The following PARP15 variants were observed in gnomAD, a reference collection of about 807,000 sequenced individuals.
PARP15 encodes the protein poly(ADP-ribose) polymerase family member 15, also known as protein mono-ADP-ribosyltransferase PARP15.
In PARP15, 50 loss-of-function variants were observed where a neutral mutation model predicts 62.1. The ratio of observed to expected loss-of-function variants is 0.81; its 90% confidence interval spans 0.64 to 1.02. PARP15 has a LOEUF of 1.02. PARP15 is among the 50% of genes least tolerant of loss of function. The probability of loss-of-function intolerance (pLI) is 0.00; values close to 1 mark genes in which losing one functional copy is unlikely to be tolerated. For synonymous variants in PARP15, 309 were observed against 293.1 expected (o/e 1.05, Z -0.55); for missense variants, 820 against 826.5 (o/e 0.99, Z 0.10).
At chr3:122,584,169 A>G (rs945311415) in intron 1 of PARP15, among the ~76,000 whole-genome samples, 12 of 152,184 alleles carry the variant, frequency 7.9e-5, no homozygotes, top group Non-Finnish European at 1.5e-5. Context: ...CAAAATTTCT[A>G]ATTGTTTAAA....
At chr3:122,585,005 T>C (rs1195404396) in intron 1 of PARP15, among the ~76,000 whole-genome samples, 4 of 152,336 alleles carry the variant, frequency 2.6e-5, no homozygotes, top group South Asian at 2.1e-4. Flanking sequence ...ATCATAGTAA[T>C]AGATTTTCAA....
chr3:122,634,016 A>G (rs761399847), intron 10 of PARP15, among the ~76,000 whole-genome samples: 3 of 151,972 alleles, frequency 2.0e-5, no homozygotes, highest in Non-Finnish European at 4.4e-5. Context: ...CACATTCCCC[A>G]TTGCAAACCT....
chr3:122,634,281 T>C (rs1326519010), intron 10 of PARP15, among the ~76,000 whole-genome samples: 1 of 152,092 alleles, frequency 6.6e-6, no homozygotes, highest in Non-Finnish European at 1.5e-5. Context: ...CTCTGAGCAG[T>C]AGTGATTAGT....
intron 1 of PARP15, among the ~76,000 whole-genome samples, chr3:122,595,531 T>C (rs1934267948): frequency 6.6e-6 from 1 of 152,186 alleles, no homozygotes; most frequent in Non-Finnish European, 1.5e-5. Context: ...TTCGGTTTTG[T>C]CCTACCTCAG....
At chr3:122,577,966 C>G in intron 1 of PARP15, 113 bp downstream of exon 1, 2 of 1,171,498 alleles carry the variant, frequency 1.7e-6, no homozygotes, top group Non-Finnish European at 2.3e-6. Flanking sequence ...ACAACCCTCT[C>G]TTCTAGGGGG....
In PARP15 at chr3:122,591,756, C is replaced by CTTT. The variant is rs1933936983; in HGVS notation, c.186+13904_186+13905insTTT. Among the ~76,000 whole-genome samples the CTTT allele has an allele frequency of 3.7e-5, 3 of 80,712 alleles. No individual in the cohort carries two copies. The South Asian group carries it at 1.5e-3, about 40-fold the overall frequency. The allele number at this position is 80,712 out of a possible 152,430, so 53.0% of individuals were successfully genotyped here. On this transcript the variant is annotated intron_variant, in intron 1 of 11. Transcript: ENST00000464300. ...ACTCCAGCCTGGTGACAGAGCGAGACTCTGTCTCAAAAAAAAAAAAAAAAA... is the reference window on the plus strand; with the variant it reads ...ACTCCAGCCTGGTGACAGAGCGAGACTTTTCTGTCTCAAAAAAAAAAAAAAAAA...
chr3:122,620,296 T>C (rs1936256327), intron 7 of PARP15, among the ~76,000 whole-genome samples: 1 of 152,252 alleles, frequency 6.6e-6, no homozygotes, highest in South Asian at 2.1e-4. Flanking sequence ...AAACTTGTTC[T>C]ACTTCTTCCA....
At chr3:122,631,825 T>C (rs963436565) in intron 9 of PARP15, among the ~76,000 whole-genome samples, 1 of 152,258 alleles carries the variant, frequency 6.6e-6, no homozygotes, top group African/African-American at 2.4e-5. Context: ...AAAATTACAA[T>C]TTCAAGCTAC....
At chr3:122,616,135 CATATATAGT>C (rs532226405) in intron 5 of PARP15, among the ~76,000 whole-genome samples, 104 of 152,270 alleles carry the variant, frequency 6.8e-4, no homozygotes, top group African/African-American at 2.3e-3. Flanking sequence ...TGATTGCTTT[CATATATAGT>C]ATATTATTTA....
intron 1 of PARP15, among the ~76,000 whole-genome samples, chr3:122,593,090 G>GTCCATCTATCTATCTA (rs1553727449): frequency 2.0e-5 from 3 of 147,752 alleles, no homozygotes; most frequent in African/African-American, 5.1e-5. Flanking sequence ...AAAATTATCT[G>GTCCATCTATCTATCTA]TCTATCTATC....
At chr3:122,578,387 A>G (rs979162682) in intron 1 of PARP15, among the ~76,000 whole-genome samples, 2 of 152,158 alleles carry the variant, frequency 1.3e-5, no homozygotes, top group Non-Finnish European at 2.9e-5. Context: ...ATTTAGATCT[A>G]TAATACATTT....
At chr3:122,628,101 G>A (rs1235115684) in intron 9 of PARP15, among the ~76,000 whole-genome samples, 1 of 152,118 alleles carries the variant, frequency 6.6e-6, no homozygotes, top group Non-Finnish European at 1.5e-5. Context: ...GCTTCATATG[G>A]TGAAAGCTGG....
intron 1 of PARP15, among the ~76,000 whole-genome samples, chr3:122,594,286 AAAC>A (rs777000399): frequency 1.9e-4 from 29 of 152,290 alleles, no homozygotes; most frequent in African/African-American, 5.3e-4. Context: ...GGCAACAGAA[AAAC>A]AACAACAACA....
At chr3:122,584,806 G>A (rs961931602) in intron 1 of PARP15, among the ~76,000 whole-genome samples, 2 of 152,054 alleles carry the variant, frequency 1.3e-5, no homozygotes, top group African/African-American at 4.8e-5. Context: ...TTGAACTCCT[G>A]ACCTCAGGTG....
intron 3 of PARP15, among the ~76,000 whole-genome samples, chr3:122,612,621 T>C (rs1210265784): frequency 6.6e-6 from 1 of 152,000 alleles, no homozygotes; most frequent in Non-Finnish European, 1.5e-5. Flanking sequence ...TTTGTATTTT[T>C]AGTAGAGACG....
intron 1 of PARP15, among the ~76,000 whole-genome samples, chr3:122,587,570 C>T (rs756099800): frequency 6.6e-6 from 1 of 152,098 alleles, no homozygotes; most frequent in Non-Finnish European, 1.5e-5. Context: ...CTCGCTCTGT[C>T]CCGCAGGCTG....
chr3:122,616,195 T>C (rs1361943674), intron 5 of PARP15, among the ~76,000 whole-genome samples: 2 of 152,328 alleles, frequency 1.3e-5, no homozygotes, highest in Middle Eastern at 3.4e-3. Flanking sequence ...CTGTTGCCAC[T>C]GTATAAACGT....
intron 8 of PARP15, among the ~76,000 whole-genome samples, chr3:122,624,195 G>A (rs537056417): frequency 2.0e-5 from 3 of 151,860 alleles, no homozygotes; most frequent in South Asian, 2.1e-4. Context: ...CTTACTAGAC[G>A]CAGTCTATTT....
At chr3:122,598,520 C>T (rs548112771) in intron 1 of PARP15, among the ~76,000 whole-genome samples, 135 of 152,184 alleles carry the variant, frequency 8.9e-4, no homozygotes, top group Non-Finnish European at 1.5e-3. Flanking sequence ...TCATAAATGG[C>T]AGCTGACTTT....
Sources: gnomAD v4.1 joint callset for allele counts (sites outside exome capture counted in the v4.1 genomes callset) on GRCh38, gnomAD v4.1.1 for gene constraint, MANE v1.5 for transcripts, NCBI Gene and HGNC (gene_info 2026-07-23, HGNC 2026-07-21) for gene names.